ARHGAP15: variants seen among roughly 807,000 people sequenced by gnomAD.
The protein encoded by ARHGAP15 is Rho GTPase activating protein 15.
In ARHGAP15, 51 loss-of-function variants were observed where a neutral mutation model predicts 63.7. That is an observed-to-expected ratio of 0.80 (90% CI 0.64 to 1.01). ARHGAP15 has a LOEUF of 1.01. Ranked by LOEUF, ARHGAP15 falls within the 50% of genes least tolerant of loss-of-function variation. ARHGAP15 has a pLI of 0.00. For missense variants in ARHGAP15, 560 were observed against 564.6 expected, an observed-to-expected ratio of 0.99 and a Z score of 0.08; for synonymous variants, 191 against 193.8, an observed-to-expected ratio of 0.99 and a Z score of 0.12.
At chr2:143,380,561 T>G (rs1183850136) in intron 6 of ARHGAP15, among the ~76,000 whole-genome samples, 1 of 152,114 alleles carries the variant, frequency 6.6e-6, no homozygotes, top group African/African-American at 2.4e-5. Flanking sequence ...AACTTGATAA[T>G]TGCAATCTAA....
intron 6 of ARHGAP15, among the ~76,000 whole-genome samples, chr2:143,261,894 A>AT (rs1680741042): frequency 6.6e-6 from 1 of 151,996 alleles, no homozygotes; most frequent in Non-Finnish European, 1.5e-5. Flanking sequence ...ACTTGCCAGA[A>AT]TTTTCCACCC....
chr2:143,675,333 C>T (rs758903300), intron 12 of ARHGAP15, among the ~76,000 whole-genome samples: 1 of 152,178 alleles, frequency 6.6e-6, no homozygotes, highest in Non-Finnish European at 1.5e-5. Context: ...TGGAATCAAC[C>T]TCTTCCAAGC....
chr2:143,383,676 A>T (rs1278091809), intron 6 of ARHGAP15, among the ~76,000 whole-genome samples: 1 of 152,204 alleles, frequency 6.6e-6, no homozygotes, highest in Non-Finnish European at 1.5e-5. Flanking sequence ...AAACTGTAGA[A>T]AAACAAAATA....
rs530261515 is a variant in ARHGAP15 at position 143,376,147 on chromosome 2, C to A, written c.475-59454C>A. ...TTACAGATATATTTCATTATGCAAC[C>A]CTTTAGTATTCTAAAAGTGGAAGGA... On this transcript the variant is annotated intron_variant, in intron 6 of 13. Transcript: ENST00000295095. Among the ~76,000 whole-genome samples, 9 of 152,172 alleles carry A rather than the reference C, an allele frequency of 5.9e-5. No homozygotes were observed. In the South Asian group the frequency reaches 1.9e-3, roughly 32 times the overall value.
At chr2:143,608,727 A>G (rs1258834262) in intron 11 of ARHGAP15, 2 of 152,216 alleles carry the variant, frequency 1.3e-5, no homozygotes, top group African/African-American at 4.8e-5. Flanking sequence ...TAACATGCAA[A>G]AAGGTTTGAA....
rs747756309 is a variant in ARHGAP15, at chr2:143,281,169, C to T, written c.474+30569C>T. 4.6e-5 allele frequency among the ~76,000 whole-genome samples: 7 copies of T among 152,036 alleles called. No homozygotes were observed. The East Asian group carries it at 7.7e-4, about 17-fold the overall frequency. On this transcript the variant is annotated intron_variant, in intron 6 of 13. Transcript: ENST00000295095. ...GTAAAAGACAGGCCCAGAGCTAGGG[C>T]GATCTATTTATAGATGGCTTCATGT...
At chr2:143,405,945 T>C (rs1354296270) in intron 6 of ARHGAP15, among the ~76,000 whole-genome samples, 2 of 152,044 alleles carry the variant, frequency 1.3e-5, no homozygotes, top group Non-Finnish European at 2.9e-5. Flanking sequence ...TATTTTAGGA[T>C]TTTAATTCTG....
At chr2:143,603,716 TC>T (rs1262094814) in intron 11 of ARHGAP15, among the ~76,000 whole-genome samples, 1 of 152,208 alleles carries the variant, frequency 6.6e-6, no homozygotes, top group Non-Finnish European at 1.5e-5. Flanking sequence ...TTGGTGAACT[TC>T]CAGCGGCAGC....
chr2:143,450,146 T>C (rs1416553688), intron 8 of ARHGAP15, among the ~76,000 whole-genome samples: 4 of 148,782 alleles, frequency 2.7e-5, no homozygotes, highest in East Asian at 1.9e-4. Flanking sequence ...GTTACTGAGG[T>C]TTCATGCTTT....
At chr2:143,245,640 G>T (rs546430236) in intron 5 of ARHGAP15, among the ~76,000 whole-genome samples, 1 of 151,590 alleles carries the variant, frequency 6.6e-6, no homozygotes, top group Admixed American at 6.6e-5. Flanking sequence ...TTTTAAACGG[G>T]TAATGAACAT....
intron 2 of ARHGAP15, among the ~76,000 whole-genome samples, chr2:143,168,498 C>T (rs576158174): frequency 7.2e-5 from 11 of 152,142 alleles, no homozygotes; most frequent in Non-Finnish European, 1.2e-4. Flanking sequence ...ATTTTAGTCT[C>T]TTAAATTATT....
chr2:143,261,078 C>G (rs532033063), intron 6 of ARHGAP15, among the ~76,000 whole-genome samples: 5 of 152,162 alleles, frequency 3.3e-5, no homozygotes, highest in Non-Finnish European at 7.4e-5. Context: ...GTCAGGATGC[C>G]CTAGGTTTTA....
At chr2:143,663,624 T>C (rs1194909275) in intron 12 of ARHGAP15, among the ~76,000 whole-genome samples, 2 of 152,090 alleles carry the variant, frequency 1.3e-5, no homozygotes, top group East Asian at 3.9e-4. Context: ...GACTGGCAAA[T>C]TGGATAAAGA....
chr2:143,722,854 TTATGGGTGGGGCTGGC>T (rs1685123740), intron 13 of ARHGAP15, among the ~76,000 whole-genome samples: 3 of 152,074 alleles, frequency 2.0e-5, no homozygotes, highest in Admixed American at 2.0e-4. Context: ...TGGGGCCAGG[TTATGGGTGGGGCTGGC>T]AGAAACTTTT....
rs185263915 is a variant in ARHGAP15, at chr2:143,270,388, C to A, written c.474+19788C>A. 9.9e-5 allele frequency among the ~76,000 whole-genome samples: 15 copies of A among 152,092 alleles called. 1 individual carries two copies. The highest frequency in any genetic ancestry group is 3.6e-4 in the African/African-American group (15 of 41,466). ...TTACAATTTAAAATAAAATTCTTAC[C>A]CATCCTGATCGGTAGCTTTTCACTT... On this transcript the variant is annotated intron_variant, in intron 6 of 13. Coordinates refer to ENST00000295095, the MANE Select transcript of ARHGAP15 (RefSeq NM_018460.4).
At chr2:143,481,452 C>T (rs575283284) in intron 8 of ARHGAP15, among the ~76,000 whole-genome samples, 63 of 152,026 alleles carry the variant, frequency 4.1e-4, no homozygotes, top group Non-Finnish European at 6.6e-4. Flanking sequence ...GGGAATACCG[C>T]GAGAACAGCA....
intron 8 of ARHGAP15, among the ~76,000 whole-genome samples, chr2:143,475,336 G>A (rs1334449931): frequency 1.3e-5 from 2 of 152,202 alleles, no homozygotes; most frequent in South Asian, 2.1e-4. Context: ...TGTGTCCTCA[G>A]ATCTGCTCAG....
At chr2:143,238,935 C>T (rs1693758144) in intron 5 of ARHGAP15, among the ~76,000 whole-genome samples, 1 of 152,062 alleles carries the variant, frequency 6.6e-6, no homozygotes, top group South Asian at 2.1e-4. Flanking sequence ...AGCAAACTAA[C>T]ACAGGGACAG....
At chr2:143,519,461 A>G (rs1693968499) in intron 10 of ARHGAP15, 97 bp downstream of exon 10, 1 of 932,130 alleles carries the variant, frequency 1.1e-6, no homozygotes, top group East Asian at 2.7e-5. Context: ...CTGAGAAGCC[A>G]TGCAATTAAA....
Sources: allele counts gnomAD v4.1 joint callset (sites outside exome capture counted in the v4.1 genomes callset), GRCh38; gene constraint gnomAD v4.1.1; transcripts MANE v1.5; gene names NCBI Gene and HGNC (gene_info 2026-07-23, HGNC 2026-07-21).